METTL15: variants seen among roughly 807,000 people sequenced by gnomAD.
METTL15 encodes the protein methyltransferase 15, mitochondrial 12S rRNA N4-cytidine, also known as 12S rRNA N(4)-cytidine methyltransferase METTL15.
Under a neutral mutation model 38.3 loss-of-function variants are expected in METTL15, and 34 were observed. That is an observed-to-expected ratio of 0.89 (90% CI 0.68 to 1.18). METTL15 has a LOEUF of 1.18. Ranked by LOEUF, METTL15 falls within the 50% of genes most tolerant of loss-of-function variation. The pLI, the probability that METTL15 is intolerant of heterozygous loss-of-function variation, is 0.00. For missense variants in METTL15, 438 were observed against 498.4 expected (o/e 0.88, Z 1.15); for synonymous variants, 162 against 170.9 (o/e 0.95, Z 0.41).
intron 4 of METTL15, among the ~76,000 whole-genome samples, chr11:28,223,659 G>T (rs1052501224): frequency 6.6e-6 from 1 of 152,074 alleles, no homozygotes; most frequent in Non-Finnish European, 1.5e-5. Context: ...TCAAAACTAA[G>T]TCAGAAATAG....
chr11:28,484,181 T>C (rs940010244), intron 6 of METTL15, among the ~76,000 whole-genome samples: 1 of 152,226 alleles, frequency 6.6e-6, no homozygotes, highest in African/African-American at 2.4e-5. Context: ...TTCTTTACTT[T>C]TATTCCTTAT....
chr11:28,185,934 T>G (rs1375134012), intron 3 of METTL15, among the ~76,000 whole-genome samples: 2 of 149,958 alleles, frequency 1.3e-5, no homozygotes, highest in Non-Finnish European at 3.0e-5. Flanking sequence ...ATACATATAT[T>G]TTTAAAATAT....
At chr11:28,486,223 CTG>C (rs1403201721) in intron 6 of METTL15, among the ~76,000 whole-genome samples, 1 of 152,064 alleles carries the variant, frequency 6.6e-6, no homozygotes, top group Non-Finnish European at 1.5e-5. Context: ...AACCCAGAAA[CTG>C]TGATTCCTGG....
intron 3 of METTL15, among the ~76,000 whole-genome samples, chr11:28,120,759 C>G (rs1368480257): frequency 6.6e-6 from 1 of 152,150 alleles, no homozygotes; most frequent in Non-Finnish European, 1.5e-5. Context: ...CTGAGAACAT[C>G]TTGTTCATAT....
chr11:28,353,879 T>G (rs928493609), intron 4 of METTL15, among the ~76,000 whole-genome samples: 1 of 144,102 alleles, frequency 6.9e-6, no homozygotes, highest in Non-Finnish European at 1.5e-5. Flanking sequence ...GAGCCGAGAT[T>G]GCGCCACTGC....
intron 4 of METTL15, among the ~76,000 whole-genome samples, chr11:28,265,735 T>G (rs988425256): frequency 1.3e-5 from 2 of 152,188 alleles, no homozygotes; most frequent in African/African-American, 4.8e-5. Context: ...TCTTTTCTCT[T>G]GAACTCCACA....
At chr11:28,254,890 G>C (rs1307566763) in intron 4 of METTL15, among the ~76,000 whole-genome samples, 3 of 152,046 alleles carry the variant, frequency 2.0e-5, no homozygotes, top group African/African-American at 7.2e-5. Flanking sequence ...TTTGAAGTGA[G>C]GTAAGAGTGA....
intron 4 of METTL15, among the ~76,000 whole-genome samples, chr11:28,215,309 G>C (rs1018237544): frequency 6.6e-6 from 1 of 152,052 alleles, no homozygotes; most frequent in African/African-American, 2.4e-5. Context: ...GCTGGCTTTG[G>C]AGAAAAAAGG....
chr11:28,305,982 AG>A (rs1219637871), intron 6 of METTL15, among the ~76,000 whole-genome samples: 2 of 152,116 alleles, frequency 1.3e-5, no homozygotes, highest in Non-Finnish European at 2.9e-5. Context: ...GGAGAGTAGA[AG>A]ACAGGCAATT....
chr11:28,460,808 G>T (rs1851207560), intron 6 of METTL15, among the ~76,000 whole-genome samples: 1 of 152,156 alleles, frequency 6.6e-6, no homozygotes, highest in South Asian at 2.1e-4. Context: ...AAGAGGATTA[G>T]GTTTCCTAGT....
chr11:28,386,512 A>G lies in METTL15; in HGVS notation c.*358+24476A>G, dbSNP rs145338771. On this transcript the variant is annotated intron_variant and NMD_transcript_variant, in intron 5 of 7. Transcript: ENST00000532947. ...ACATTATATAATGATATAAAAATCA[A>G]TTCACCAAGAAGATATAACAATAAT... is the stretch of plus-strand genomic sequence containing the variant. Among the ~76,000 whole-genome samples, 84 of 152,162 alleles carry G rather than the reference A, an allele frequency of 5.5e-4. No homozygotes were observed. In the East Asian group the frequency reaches 0.015, roughly 28 times the overall value.
At chr11:28,498,167 T>A (rs534929778) in intron 6 of METTL15, among the ~76,000 whole-genome samples, 1 of 152,178 alleles carries the variant, frequency 6.6e-6, no homozygotes, top group Non-Finnish European at 1.5e-5. Flanking sequence ...GGGGATTACA[T>A]TTCAACACAT....
intron 3 of METTL15, among the ~76,000 whole-genome samples, chr11:28,144,141 A>C (rs1196123005): frequency 6.6e-6 from 1 of 152,180 alleles, no homozygotes; most frequent in Non-Finnish European, 1.5e-5. Flanking sequence ...AGTGGATTGC[A>C]ATAAGCATTT....
intron 6 of METTL15, among the ~76,000 whole-genome samples, chr11:28,478,122 T>C (rs1329847530): frequency 1.3e-5 from 2 of 152,210 alleles, no homozygotes; most frequent in African/African-American, 4.8e-5. Context: ...TAGACCTATG[T>C]CCATGATCTT....
intron 3 of METTL15, among the ~76,000 whole-genome samples, chr11:28,161,107 C>CTTTTTTTTTTTTTTTTT (rs10660185): frequency 1.7e-3 from 230 of 131,760 alleles, no homozygotes; most frequent in Non-Finnish European, 2.3e-3. Flanking sequence ...TTGCACCTTC[C>CTTTTTTTTTTTTTTTTT]TTTTTTTTTT....
At chr11:28,409,742 A>G (rs1850709207) in intron 5 of METTL15, among the ~76,000 whole-genome samples, 1 of 152,138 alleles carries the variant, frequency 6.6e-6, no homozygotes, top group Admixed American at 6.5e-5. Flanking sequence ...AAAAAGAAAA[A>G]CAGACTTACC....
At chr11:28,195,700 G>A (rs1392483135) in intron 3 of METTL15, among the ~76,000 whole-genome samples, 1 of 151,978 alleles carries the variant, frequency 6.6e-6, no homozygotes, top group African/African-American at 2.4e-5. Flanking sequence ...CTGTGCAGAA[G>A]CATTTTAGTT....
chr11:28,362,370 A>G (rs1300608751), intron 5 of METTL15, among the ~76,000 whole-genome samples: 2 of 152,178 alleles, frequency 1.3e-5, no homozygotes, highest in African/African-American at 4.8e-5. Flanking sequence ...GGTACAACAT[A>G]AAGATTTGTT....
intron 3 of METTL15, among the ~76,000 whole-genome samples, chr11:28,130,085 G>A (rs1309299921): frequency 6.6e-6 from 1 of 152,124 alleles, no homozygotes; most frequent in Non-Finnish European, 1.5e-5. Context: ...TGTAATTGGA[G>A]GATCGCTTGA....
Sources: gnomAD v4.1 joint callset for allele counts (sites outside exome capture counted in the v4.1 genomes callset) on GRCh38, gnomAD v4.1.1 for gene constraint, MANE v1.5 for transcripts, NCBI Gene and HGNC (gene_info 2026-07-23, HGNC 2026-07-21) for gene names.